Variants in LSAMP observed in about 807,000 individuals in gnomAD.
LSAMP encodes the protein limbic system associated membrane protein.
Under a neutral mutation model 38.6 loss-of-function variants are expected in LSAMP, and 7 were observed. The ratio of observed to expected loss-of-function variants is 0.18; its 90% CI spans 0.10 to 0.34. LSAMP has a LOEUF of 0.34. LSAMP is among the 10% of genes least tolerant of loss of function. The pLI is 1.00. For missense variants in LSAMP, 313 were observed against 420.0 expected, an observed-to-expected ratio of 0.75 and a Z score of 2.23; for synonymous variants, 154 against 166.8, an observed-to-expected ratio of 0.92 and a Z score of 0.59.
chr3:116,290,775 A>AT (rs55988398), intron 1 of LSAMP, among the ~76,000 whole-genome samples: 2 of 144,322 alleles, frequency 1.4e-5, no homozygotes, highest in Non-Finnish European at 3.0e-5. Context: ...AATAATAATA[A>AT]AATAAACTTT....
chr3:115,885,120 C>A (rs544866731), intron 3 of LSAMP, among the ~76,000 whole-genome samples: 1 of 151,954 alleles, frequency 6.6e-6, no homozygotes, highest in African/African-American at 2.4e-5. Context: ...AGGAGAAGTG[C>A]AAGAATAATG....
intron 3 of LSAMP, among the ~76,000 whole-genome samples, chr3:116,007,235 T>G (rs1487420435): frequency 6.6e-6 from 1 of 152,212 alleles, no homozygotes; most frequent in Non-Finnish European, 1.5e-5. Flanking sequence ...AATTTCTGAC[T>G]TGATGCATGA....
intron 1 of LSAMP, among the ~76,000 whole-genome samples, chr3:116,273,291 G>C (rs11706129): frequency 0.99 from 149,995 of 152,036 alleles, 74,038 homozygotes; most frequent in Middle Eastern, 1. Context: ...CCTGTGTAAC[G>C]TCTGACCAGC....
chr3:115,990,225 T>A (rs1351782611), intron 3 of LSAMP, among the ~76,000 whole-genome samples: 4 of 152,034 alleles, frequency 2.6e-5, no homozygotes, highest in Non-Finnish European at 5.9e-5. Flanking sequence ...TTGTCATAAT[T>A]ACGCATCTTT....
intron 1 of LSAMP, among the ~76,000 whole-genome samples, chr3:116,337,632 C>A (rs989583005): frequency 2.0e-5 from 3 of 151,978 alleles, no homozygotes; most frequent in Admixed American, 1.3e-4. Context: ...AAAAGTCAAC[C>A]ACTTAACAAC....
chr3:116,404,065 A>T (rs1248369627), intron 1 of LSAMP, among the ~76,000 whole-genome samples: 1 of 152,128 alleles, frequency 6.6e-6, no homozygotes, highest in African/African-American at 2.4e-5. Context: ...ATAGGAGATT[A>T]AAGGGGGAAG....
chr3:115,893,562 C>A (rs1936653867), intron 3 of LSAMP, among the ~76,000 whole-genome samples: 1 of 151,912 alleles, frequency 6.6e-6, no homozygotes, highest in African/African-American at 2.4e-5. Flanking sequence ...TTAAAACTAT[C>A]AATTTTAACA....
chr3:116,317,103 A>C (rs370599693), intron 1 of LSAMP, among the ~76,000 whole-genome samples: 5 of 152,136 alleles, frequency 3.3e-5, no homozygotes, highest in Admixed American at 3.3e-4. Flanking sequence ...GGGACAAATA[A>C]AGGAATAAAG....
intron 3 of LSAMP, among the ~76,000 whole-genome samples, chr3:115,979,148 G>A (rs904745650): frequency 2.2e-4 from 34 of 151,830 alleles, no homozygotes; most frequent in Admixed American, 1.6e-3. Flanking sequence ...TTTAAAAGGA[G>A]TGCACAGATA....
chr3:116,054,137 C>A (rs1439415513), intron 2 of LSAMP, among the ~76,000 whole-genome samples: 4 of 152,164 alleles, frequency 2.6e-5, no homozygotes, highest in Admixed American at 2.6e-4. Flanking sequence ...AGGCTCTCTG[C>A]ATTCCTGAGC....
intron 3 of LSAMP, among the ~76,000 whole-genome samples, chr3:115,949,323 C>A (rs1938205523): frequency 6.6e-6 from 1 of 152,094 alleles, no homozygotes; most frequent in Non-Finnish European, 1.5e-5. Flanking sequence ...TTATTTGGAT[C>A]TTTTTTCTTC....
chr3:116,273,299 A>G (rs78194806), intron 1 of LSAMP, among the ~76,000 whole-genome samples: 4,710 of 152,014 alleles, frequency 0.031, 238 homozygotes, highest in African/African-American at 0.11. Flanking sequence ...ACGTCTGACC[A>G]GCCACACTCT....
intron 6 of LSAMP, among the ~76,000 whole-genome samples, chr3:115,827,614 T>C (rs1362356879): frequency 6.6e-6 from 1 of 152,204 alleles, no homozygotes. Flanking sequence ...AGCACAGTGA[T>C]AAGCGAAACT....
chr3:116,127,990 T>C (rs1709045546), intron 1 of LSAMP, among the ~76,000 whole-genome samples: 1 of 152,132 alleles, frequency 6.6e-6, no homozygotes. Context: ...GCCTTCATTA[T>C]CACAACTAGG....
intron 3 of LSAMP, among the ~76,000 whole-genome samples, chr3:115,909,147 G>T (rs886608028): frequency 1.3e-5 from 2 of 152,090 alleles, no homozygotes; most frequent in Non-Finnish European, 2.9e-5. Flanking sequence ...TATTATAGAT[G>T]GTCTTTGCTC....
chr3:116,347,480 CTT>C (rs1039706981), intron 1 of LSAMP, among the ~76,000 whole-genome samples: 6 of 152,112 alleles, frequency 3.9e-5, no homozygotes, highest in African/African-American at 1.2e-4. Flanking sequence ...GATTTGATAA[CTT>C]ATATCTGATA....
chr3:116,242,331 A>C (rs926985111), intron 1 of LSAMP, among the ~76,000 whole-genome samples: 1 of 152,232 alleles, frequency 6.6e-6, no homozygotes, highest in African/African-American at 2.4e-5. Context: ...TTAACAGCCA[A>C]AATAGTTTAA....
intron 2 of LSAMP, among the ~76,000 whole-genome samples, chr3:116,077,486 T>G (rs781257140): frequency 1.6e-4 from 24 of 152,154 alleles, no homozygotes; most frequent in Non-Finnish European, 2.4e-4. Context: ...TTCTTTATAA[T>G]GGATTATGCT....
chr3:116,366,217 A>G (rs1053692577), intron 1 of LSAMP, among the ~76,000 whole-genome samples: 3 of 152,082 alleles, frequency 2.0e-5, no homozygotes, highest in Admixed American at 6.6e-5. Context: ...TAACATAAAC[A>G]GACACTTCTC....
Sources: gnomAD v4.1 joint callset for allele counts (sites outside exome capture counted in the v4.1 genomes callset) on GRCh38, gnomAD v4.1.1 for gene constraint, MANE v1.5 for transcripts, NCBI Gene and HGNC (gene_info 2026-07-23, HGNC 2026-07-21) for gene names.